The following SUCLA2 variants were observed in gnomAD, a reference collection of about 807,000 sequenced individuals.
The protein encoded by SUCLA2 is succinate-CoA ligase ADP-forming subunit beta, also known as succinate--CoA ligase [ADP-forming] subunit beta, mitochondrial.
SUCLA2 carries 30 observed loss-of-function variants against 54.8 expected under a neutral mutation model. That is an observed-to-expected ratio of 0.55 (90% confidence interval 0.41 to 0.74). The LOEUF (loss-of-function observed/expected upper bound fraction) is 0.74. Ranked by LOEUF, SUCLA2 falls within the 30% of genes least tolerant of loss-of-function variation. SUCLA2 has a pLI of 0.00. For synonymous variants in SUCLA2, 172 were observed against 188.9 expected (o/e 0.91, Z 0.74); for missense variants, 476 against 562.9 (o/e 0.85, Z 1.56).
intron 2 of SUCLA2, among the ~76,000 whole-genome samples, chr13:47,995,720 G>A (rs763758226): frequency 2.6e-5 from 4 of 152,260 alleles, no homozygotes; most frequent in East Asian, 1.9e-4. Flanking sequence ...GCTAATCTAC[G>A]TAAAATTGGT....
At chr13:47,993,941 G>A (rs9567970) in intron 2 of SUCLA2, among the ~76,000 whole-genome samples, 14,565 of 151,868 alleles carry the variant, frequency 0.096, 810 homozygotes, top group South Asian at 0.18. Context: ...GGCTGAGGCA[G>A]GAGAACTGCT....
intron 2 of SUCLA2, among the ~76,000 whole-genome samples, chr13:47,992,805 TC>T (rs1408209799): frequency 6.6e-6 from 1 of 152,170 alleles, no homozygotes; most frequent in African/African-American, 2.4e-5. Flanking sequence ...CCATTAGAAA[TC>T]TCCCTCCGGG....
intron 10 of SUCLA2, among the ~76,000 whole-genome samples, chr13:47,944,910 G>A (rs527915351): frequency 6.6e-6 from 1 of 152,038 alleles, no homozygotes; most frequent in African/African-American, 2.4e-5. Context: ...ATCATATGAG[G>A]TCTGGAGTTC....
At chr13:47,946,077 G>A (rs1392356629) in intron 10 of SUCLA2, 1 of 152,180 alleles carries the variant, frequency 6.6e-6, no homozygotes, top group Non-Finnish European at 1.5e-5. Context: ...ATCTCACCAA[G>A]TAAGCATTTT....
At chr13:47,954,900 C>T (rs1413075802) in intron 6 of SUCLA2, among the ~76,000 whole-genome samples, 3 of 152,116 alleles carry the variant, frequency 2.0e-5, no homozygotes, top group Non-Finnish European at 4.4e-5. Context: ...CCCATCCCCT[C>T]TCCTCTACTC....
intron 8 of SUCLA2, among the ~76,000 whole-genome samples, chr13:47,949,892 A>C (rs1381693813): frequency 6.6e-6 from 1 of 152,190 alleles, no homozygotes; most frequent in Non-Finnish European, 1.5e-5. Context: ...CTCTTGTTAA[A>C]TTTGGCCATT....
chr13:47,965,181 T>C (rs1465860345), intron 6 of SUCLA2, among the ~76,000 whole-genome samples: 4 of 151,424 alleles, frequency 2.6e-5, no homozygotes, highest in African/African-American at 7.3e-5. Context: ...CTAGTAAATA[T>C]AGAGGGAATG....
intron 2 of SUCLA2, among the ~76,000 whole-genome samples, chr13:47,993,821 A>T (rs992763992): frequency 6.6e-6 from 1 of 152,074 alleles, no homozygotes; most frequent in Non-Finnish European, 1.5e-5. Flanking sequence ...GGATCACCTG[A>T]GGTCGGGAGT....
At chr13:47,946,996 C>G (rs753712662) in intron 10 of SUCLA2, among the ~76,000 whole-genome samples, 13 of 152,168 alleles carry the variant, frequency 8.5e-5, no homozygotes, top group Non-Finnish European at 1.8e-4. Flanking sequence ...TCTATGAATA[C>G]TCATAAGGCC....
chr13:47,965,494 T>TAAA (rs35331016), intron 6 of SUCLA2: 11 of 311,126 alleles, frequency 3.5e-5, no homozygotes, highest in African/African-American at 1.6e-4. Context: ...ACCCCTTCTT[T>TAAA]AAAAAAAAAA....
intron 6 of SUCLA2, among the ~76,000 whole-genome samples, chr13:47,957,312 T>C (rs759604859): frequency 6.6e-6 from 1 of 152,222 alleles, no homozygotes; most frequent in South Asian, 2.1e-4. Flanking sequence ...GTCTCAGTAA[T>C]TGGCTTTCTG....
At chr13:47,976,575 G>A (rs139828364) in intron 4 of SUCLA2, among the ~76,000 whole-genome samples, 155 of 152,266 alleles carry the variant, frequency 1.0e-3, no homozygotes, top group Admixed American at 2.3e-3. Flanking sequence ...AGAGTACACA[G>A]GCTCATGGCA....
chr13:47,994,765 T>C, intron 2 of SUCLA2: 6 of 894,390 alleles, frequency 6.7e-6, no homozygotes, highest in Non-Finnish European at 8.0e-6. Flanking sequence ...GAACAAGGTA[T>C]CTGTTCCAAG....
intron 10 of SUCLA2, among the ~76,000 whole-genome samples, chr13:47,943,766 G>GTGTATATATA (rs1300486540): frequency 0.012 from 1,669 of 139,642 alleles, 44 homozygotes; most frequent in African/African-American, 0.042. Flanking sequence ...GTGTGTGTGT[G>GTGTATATATA]TATATATATA....
At chr13:47,975,033 T>C (rs1949999267) in intron 4 of SUCLA2, among the ~76,000 whole-genome samples, 1 of 152,114 alleles carries the variant, frequency 6.6e-6, no homozygotes, top group African/African-American at 2.4e-5. Flanking sequence ...CTTTTGTTAT[T>C]TTAAATGCAA....
At chr13:47,994,860 C>T (rs1950178488) in intron 2 of SUCLA2, 1 of 985,306 alleles carries the variant, frequency 1.0e-6, no homozygotes, top group Non-Finnish European at 1.2e-6. Context: ...CTCATAGTTA[C>T]AGTTTATCCT....
chr13:47,993,980 C>T (rs1461011891), intron 2 of SUCLA2, among the ~76,000 whole-genome samples: 1 of 151,002 alleles, frequency 6.6e-6, no homozygotes, highest in African/African-American at 2.5e-5. Flanking sequence ...GTTGCTTGAA[C>T]CCAGGAGGCG....
At chr13:48,001,018 T>C in intron 1 of SUCLA2, 162 bp downstream of exon 1, 2 of 1,473,870 alleles carry the variant, frequency 1.4e-6, no homozygotes, top group Non-Finnish European at 1.8e-6. Context: ...TCGCTCGTAG[T>C]CCTGGCGAGC....
chr13:47,989,790 C>G (rs187528066), intron 2 of SUCLA2, among the ~76,000 whole-genome samples: 1 of 152,108 alleles, frequency 6.6e-6, no homozygotes, highest in East Asian at 1.9e-4. Flanking sequence ...TTATACTGTC[C>G]CACTAAGAGA....
Sources: allele counts gnomAD v4.1 joint callset (sites outside exome capture counted in the v4.1 genomes callset), GRCh38; gene constraint gnomAD v4.1.1; transcripts MANE v1.5; gene names NCBI Gene and HGNC (gene_info 2026-07-23, HGNC 2026-07-21).